The following MPP7 variants were observed in gnomAD, a reference collection of about 807,000 sequenced individuals.
MPP7 encodes the protein MAGUK p55 scaffold protein 7.
MPP7 carries 60 observed loss-of-function variants against 76.5 expected under a neutral mutation model. The observed-to-expected ratio is 0.78, with a 90% CI of 0.64 to 0.97. The LOEUF is 0.97. Ranked by LOEUF, MPP7 falls within the 50% of genes least tolerant of loss-of-function variation. MPP7 has a pLI of 0.00. For synonymous variants in MPP7, 237 were observed against 244.5 expected (o/e 0.97, Z 0.29); for missense variants, 641 against 694.0 (o/e 0.92, Z 0.86).
intron 2 of MPP7, among the ~76,000 whole-genome samples, chr10:28,225,885 T>C (rs1838671716): frequency 6.6e-6 from 1 of 152,202 alleles, no homozygotes. Context: ...TAGGCAATAT[T>C]ATATTACACA....
chr10:28,286,599 C>T (rs1175294275), intron 1 of MPP7, among the ~76,000 whole-genome samples: 1 of 152,106 alleles, frequency 6.6e-6, no homozygotes, highest in African/African-American at 2.4e-5. Flanking sequence ...CTCCAAGACA[C>T]CCTGGGGGTC....
At chr10:28,261,416 C>G (rs1258955442) in intron 1 of MPP7, among the ~76,000 whole-genome samples, 6 of 152,194 alleles carry the variant, frequency 3.9e-5, no homozygotes, top group Non-Finnish European at 7.4e-5. Context: ...AGCGCAGTCA[C>G]CATAGTTCCA....
chr10:28,181,549 GCC>G (rs549852414), intron 3 of MPP7, among the ~76,000 whole-genome samples: 76,128 of 152,188 alleles, frequency 0.5, 21,398 homozygotes, highest in Middle Eastern at 0.72. Context: ...CTATTATCGT[GCC>G]CCACGATGGG....
chr10:28,309,025 T>C (rs1336026564), intron 2 of MPP7, among the ~76,000 whole-genome samples: 1 of 152,168 alleles, frequency 6.6e-6, no homozygotes, highest in Non-Finnish European at 1.5e-5. Context: ...TGAGGATCAC[T>C]TGACCCAAGG....
In MPP7 at chr10:28,080,547, T is replaced by C. The variant is rs1852712859; in HGVS notation, c.1123+9124A>G. Reference sequence around the variant, plus strand: ...TCTTACTAATTTATTATAAATATGGTTTTGGTCCATCTTCTCCCATTAGAA... The same window carrying C: ...TCTTACTAATTTATTATAAATATGGCTTTGGTCCATCTTCTCCCATTAGAA... On this transcript the variant is annotated intron_variant, in intron 12 of 16. Coordinates refer to ENST00000683449, the MANE Select transcript of MPP7 (RefSeq NM_001318170.2). Among the ~76,000 whole-genome samples, 4 of 152,176 alleles carry C rather than the reference T, an allele frequency of 2.6e-5. No individual in the cohort carries two copies. In the South Asian group the frequency reaches 8.3e-4, roughly 32 times the overall value.
rs1840925797 is a variant in MPP7 at position 28,291,726 on chromosome 10, A to G, written c.-132+11135T>C. On this transcript the variant is annotated intron_variant, in intron 1 of 16. Coordinates refer to ENST00000683449, the MANE Select transcript of MPP7 (RefSeq NM_001318170.2). ...ACATTTTAAAAAATTTTTTTAATAA[A>G]AGAAAATATATTTGTACACTATAAA... 6.6e-5 allele frequency among the ~76,000 whole-genome samples: 10 copies of G among 152,372 alleles called. No individual in the cohort carries two copies. In the South Asian group the frequency reaches 2.1e-3, roughly 32 times the overall value.
intron 2 of MPP7, among the ~76,000 whole-genome samples, chr10:28,325,151 C>T (rs564523030): frequency 6.6e-6 from 1 of 152,118 alleles, no homozygotes; most frequent in Non-Finnish European, 1.5e-5. Context: ...GCCTTGGCCT[C>T]CTAAAGTTCT....
At chr10:28,213,566 G>A (rs528746650) in intron 2 of MPP7, among the ~76,000 whole-genome samples, 16 of 152,030 alleles carry the variant, frequency 1.1e-4, no homozygotes, top group South Asian at 4.2e-4. Flanking sequence ...AGGCCAAGGC[G>A]GGCAGATCAA....
Position 28,149,995 on chromosome 10 carries a change from G to A in MPP7, c.221C>T (p.Ala74Val), listed in dbSNP as rs771480668. The change falls in exon 4 of 17, where the codon GCC becomes GTC. Residue 74 changes from alanine to valine, a missense_variant. By Grantham distance (64) the Ala-to-Val change is moderately conservative (BLOSUM62 0). Transcript: ENST00000683449. ...SPVPILHGAAALADDLAEELQ... is the reference protein window; with the variant it reads ...SPVPILHGAAVLADDLAEELQ... ...AGTCACACTTACATCATCGGCCAAG[G>A]CCGCCGCACCATGGAGAATGGGCAC... 2 of 1,613,032 alleles carry A rather than the reference G, an allele frequency of 1.2e-6. No homozygotes were observed. The highest frequency in any genetic ancestry group is 1.7e-6 in the Non-Finnish European group (2 of 1,179,706).
At chr10:28,257,655 T>G in intron 1 of MPP7, among the ~76,000 whole-genome samples, 1 of 146,176 alleles carries the variant, frequency 6.8e-6, no homozygotes, top group Admixed American at 6.8e-5. Context: ...AGATGACGAG[T>G]TAGTGGGTGC....
Position 28,120,367 on chromosome 10 carries a change from G to T in MPP7, c.714C>A (p.Asp238Glu), listed in dbSNP as rs774560771. Residue 238 changes from aspartate to glutamate, a missense_variant, in exon 10 of 17, where the codon GAC becomes GAA. Physicochemically the swap from Asp to Glu is conservative, Grantham distance 45. Coordinates refer to ENST00000683449, the MANE Select transcript of MPP7 (RefSeq NM_001318170.2). ...EGKMFIKALF[D>E]YNPNEDKAIP... The stretch of plus-strand genomic sequence containing the variant: ...TTGCCTTATCCTCATTAGGATTATA[G>T]TCAAAGAGGGCTTTGATAAACATCT... The T allele has an allele frequency of 5.0e-6, 8 of 1,610,326 alleles. No individual in the cohort carries two copies. In the Admixed American group the frequency reaches 8.4e-5, roughly 17 times the overall value.
At chr10:28,159,495 TAA>T (rs1418174248) in intron 3 of MPP7, among the ~76,000 whole-genome samples, 53 of 152,246 alleles carry the variant, frequency 3.5e-4, no homozygotes, top group Admixed American at 3.5e-3. Context: ...GACAAATTTG[TAA>T]ATATCTTTCA....
chr10:28,147,057 G>A (rs1045839365), intron 5 of MPP7, among the ~76,000 whole-genome samples: 1 of 152,104 alleles, frequency 6.6e-6, no homozygotes, highest in Non-Finnish European at 1.5e-5. Context: ...AATTAGTAAA[G>A]GGACAGGAAA....
intron 6 of MPP7, 123 bp downstream of exon 6, chr10:28,131,437 T>C: frequency 1.2e-6 from 1 of 819,538 alleles, no homozygotes; most frequent in South Asian, 3.0e-5. Flanking sequence ...TAGACATCAA[T>C]GTTCCATTTC....
At chr10:28,110,749 T>A (rs1010659596) in intron 11 of MPP7, among the ~76,000 whole-genome samples, 1 of 152,172 alleles carries the variant, frequency 6.6e-6, no homozygotes, top group East Asian at 1.9e-4. Flanking sequence ...ACTAGCAGCA[T>A]AGACTGCACA....
intron 1 of MPP7, among the ~76,000 whole-genome samples, chr10:28,262,515 T>C (rs1840025119): frequency 6.6e-6 from 1 of 151,972 alleles, no homozygotes. Context: ...ACAAATATTT[T>C]AGGTTACTAC....
At chr10:28,275,879 T>C (rs144750939) in intron 1 of MPP7, among the ~76,000 whole-genome samples, 1 of 152,108 alleles carries the variant, frequency 6.6e-6, no homozygotes, top group Non-Finnish European at 1.5e-5. Context: ...AAGAGCAATC[T>C]TTAAGTTAAA....
At chr10:28,085,728 G>A (rs972022032) in intron 12 of MPP7, among the ~76,000 whole-genome samples, 2 of 152,034 alleles carry the variant, frequency 1.3e-5, no homozygotes, top group African/African-American at 4.8e-5. Flanking sequence ...GAAGACAAAG[G>A]GGAAATCTCT....
In MPP7 at chr10:28,125,314, C is replaced by A. The variant is rs77756101; in HGVS notation, c.448-223G>T. Among the ~76,000 whole-genome samples the A allele has an allele frequency of 9.7e-3, 1,469 of 152,162 alleles. 30 individuals are homozygous for A. The highest frequency in any genetic ancestry group is 0.073 in the East Asian group (377 of 5,186). On this transcript the variant is annotated intron_variant, in intron 6 of 16. Coordinates refer to ENST00000683449, the MANE Select transcript of MPP7 (RefSeq NM_001318170.2). Reference sequence around the variant, plus strand: ...CTACATAGCATCAAAGGGTTTCAGCCCAATTTAAGGATTTTTGAAATCTTC... The same window carrying A: ...CTACATAGCATCAAAGGGTTTCAGCACAATTTAAGGATTTTTGAAATCTTC...
Sources: allele counts gnomAD v4.1 joint callset (sites outside exome capture counted in the v4.1 genomes callset), GRCh38; gene constraint gnomAD v4.1.1; transcripts MANE v1.5; gene names NCBI Gene and HGNC (gene_info 2026-07-23, HGNC 2026-07-21).